LOC128092253: variants seen among roughly 807,000 people sequenced by gnomAD.
the LOC128092253 span, among the ~76,000 whole-genome samples, chr6:133,979,889 C>T: frequency 2.0e-5 from 3 of 152,114 alleles, no homozygotes; most frequent in Non-Finnish European, 2.9e-5. Context: ...TCAGATGATC[C>T]AACCACCTTG....
At chr6:133,974,042 T>A in the LOC128092253 span, among the ~76,000 whole-genome samples, 19 of 150,696 alleles carry the variant, frequency 1.3e-4, no homozygotes, top group East Asian at 3.7e-3. Flanking sequence ...GTGCCAATTC[T>A]CTGAATAGAA....
the LOC128092253 span, among the ~76,000 whole-genome samples, chr6:133,959,130 C>T: frequency 9.2e-5 from 14 of 152,108 alleles, no homozygotes; most frequent in East Asian, 1.7e-3. Context: ...ACTTCGGCTT[C>T]CCAGGTTCAA....
chr6:133,979,806 C>G, the LOC128092253 span, among the ~76,000 whole-genome samples: 1 of 152,036 alleles, frequency 6.6e-6, no homozygotes, highest in Non-Finnish European at 1.5e-5. Flanking sequence ...ACCATCATGC[C>G]CGGCTAATTT....
At chr6:133,960,414 C>A in the LOC128092253 span, among the ~76,000 whole-genome samples, 2 of 146,828 alleles carry the variant, frequency 1.4e-5, no homozygotes, top group Non-Finnish European at 3.0e-5. Flanking sequence ...TTTGGCTGAC[C>A]AGCCTTTTTT....
chr6:133,957,621 T>G, the LOC128092253 span, among the ~76,000 whole-genome samples: 2 of 152,166 alleles, frequency 1.3e-5, no homozygotes, highest in Non-Finnish European at 2.9e-5. Flanking sequence ...TTTCTTGAGA[T>G]TGGGATTGGT....
chr6:133,979,420 A>T, the LOC128092253 span, among the ~76,000 whole-genome samples: 8 of 152,292 alleles, frequency 5.3e-5, no homozygotes, highest in Non-Finnish European at 1.2e-4. Context: ...TTGGAACCAG[A>T]GTCCAACCCT....
chr6:133,964,269 T>G, the LOC128092253 span, among the ~76,000 whole-genome samples: 3 of 152,150 alleles, frequency 2.0e-5, no homozygotes, highest in East Asian at 5.8e-4. Context: ...GACGCACCCT[T>G]CAACCAGTTA....
At chr6:133,959,349 T>C in the LOC128092253 span, among the ~76,000 whole-genome samples, 1 of 152,290 alleles carries the variant, frequency 6.6e-6, no homozygotes, top group African/African-American at 2.4e-5. Flanking sequence ...GCCTGGCCTG[T>C]GTTAGGAAAT....
chr6:133,967,663 A>G, the LOC128092253 span, among the ~76,000 whole-genome samples: 2 of 152,308 alleles, frequency 1.3e-5, no homozygotes, highest in East Asian at 1.9e-4. Flanking sequence ...TAACATAATC[A>G]TAAGTATTTG....
the LOC128092253 span, chr6:133,953,500 G>C: frequency 6.5e-6 from 1 of 152,894 alleles, no homozygotes; most frequent in Non-Finnish European, 1.5e-5. Flanking sequence ...CGGGGCGTCT[G>C]GGCGCGGGGT....
the LOC128092253 span, among the ~76,000 whole-genome samples, chr6:133,970,306 T>A: frequency 6.6e-6 from 1 of 152,262 alleles, no homozygotes; most frequent in African/African-American, 2.4e-5. Context: ...GGAAATAATA[T>A]CTTTAGTATC....
chr6:133,966,060 T>TC, the LOC128092253 span, among the ~76,000 whole-genome samples: 1 of 152,290 alleles, frequency 6.6e-6, no homozygotes, highest in East Asian at 1.9e-4. Flanking sequence ...GCTCTTCAAC[T>TC]TCAGAGACAG....
At chr6:133,975,792 G>A in the LOC128092253 span, among the ~76,000 whole-genome samples, 6 of 152,178 alleles carry the variant, frequency 3.9e-5, no homozygotes, top group Non-Finnish European at 8.8e-5. Flanking sequence ...GGAGGGAAAG[G>A]TGAGGAGGAT....
chr6:133,972,852 A>G, the LOC128092253 span, among the ~76,000 whole-genome samples: 1 of 152,192 alleles, frequency 6.6e-6, no homozygotes, highest in Non-Finnish European at 1.5e-5. Context: ...TGGCATGGAT[A>G]ATAATATTTA....
chr6:133,960,182 G>A, the LOC128092253 span, among the ~76,000 whole-genome samples: 1 of 152,142 alleles, frequency 6.6e-6, no homozygotes. Flanking sequence ...ACAGATTAGG[G>A]TGGTTGCAGG....
the LOC128092253 span, among the ~76,000 whole-genome samples, chr6:133,968,455 C>A: frequency 6.6e-6 from 1 of 152,010 alleles, no homozygotes; most frequent in African/African-American, 2.4e-5. Context: ...TTCCTTTATC[C>A]ACAATAGTAT....
the LOC128092253 span, among the ~76,000 whole-genome samples, chr6:133,979,562 A>C: frequency 6.6e-6 from 1 of 152,212 alleles, no homozygotes; most frequent in Non-Finnish European, 1.5e-5. Flanking sequence ...TTAAGGAATG[A>C]AAGTTAGGCC....
chr6:133,970,275 C>T, the LOC128092253 span, among the ~76,000 whole-genome samples: 10 of 152,164 alleles, frequency 6.6e-5, no homozygotes, highest in Non-Finnish European at 1.5e-5. Context: ...CTCACACCAT[C>T]GTACTTTGCT....
the LOC128092253 span, among the ~76,000 whole-genome samples, chr6:133,964,335 G>A: frequency 6.6e-6 from 1 of 152,018 alleles, no homozygotes; most frequent in East Asian, 1.9e-4. Flanking sequence ...GCTTACATGT[G>A]GAAAGAGTGT....
Sources: allele counts gnomAD v4.1 joint callset (sites outside exome capture counted in the v4.1 genomes callset), GRCh38; gene constraint gnomAD v4.1.1; transcripts MANE v1.5.